The following STXBP4 variants were observed in gnomAD, a reference collection of about 807,000 sequenced individuals.
STXBP4 encodes syntaxin-binding protein 4.
In STXBP4, 55 loss-of-function variants were observed where a neutral mutation model predicts 76.1. That is an observed-to-expected ratio of 0.72 (90% CI 0.58 to 0.91). The LOEUF (loss-of-function observed/expected upper bound fraction) is 0.91, where lower values mean the gene tolerates loss of function less well. STXBP4 is among the 40% of genes least tolerant of loss of function. The pLI, the probability that STXBP4 is intolerant of heterozygous loss-of-function variation, is 0.00. For synonymous variants in STXBP4, 201 were observed against 220.2 expected (o/e 0.91, Z 0.77); for missense variants, 618 against 636.9 (o/e 0.97, Z 0.32).
chr17:55,109,123 A>ACC (rs1459375841), intron 16 of STXBP4, among the ~76,000 whole-genome samples: 1 of 152,206 alleles, frequency 6.6e-6, no homozygotes, highest in Non-Finnish European at 1.5e-5. Context: ...ATGCTTGTTG[A>ACC]TTTGAAACCT....
chr17:55,050,771 G>A (rs568471248), intron 12 of STXBP4, among the ~76,000 whole-genome samples: 5 of 152,120 alleles, frequency 3.3e-5, no homozygotes, highest in Non-Finnish European at 7.4e-5. Context: ...GGGTACAAGC[G>A]ATTCTCCTGC....
At chr17:55,015,313 G>C (rs1286210314) in intron 8 of STXBP4, among the ~76,000 whole-genome samples, 1 of 152,128 alleles carries the variant, frequency 6.6e-6, no homozygotes, top group Non-Finnish European at 1.5e-5. Context: ...GTCCCAATGA[G>C]GGTCTACACT....
intron 16 of STXBP4, among the ~76,000 whole-genome samples, chr17:55,097,637 T>C (rs2079508495): frequency 6.7e-6 from 1 of 150,164 alleles, no homozygotes; most frequent in Admixed American, 6.7e-5. Flanking sequence ...CACTCCAGCC[T>C]GGGCAACAGA....
At chr17:55,028,384 A>G (rs1428064233) in intron 8 of STXBP4, among the ~76,000 whole-genome samples, 1 of 152,176 alleles carries the variant, frequency 6.6e-6, no homozygotes, top group African/African-American at 2.4e-5. Context: ...AATAGAAAGG[A>G]GTAATATATT....
At chr17:55,091,932 C>T (rs1208096497) in intron 16 of STXBP4, among the ~76,000 whole-genome samples, 1 of 152,158 alleles carries the variant, frequency 6.6e-6, no homozygotes, top group Non-Finnish European at 1.5e-5. Flanking sequence ...TAAGGTACCT[C>T]ATTATGTATA....
rs2080323680 is a variant in STXBP4, at chr17:55,160,013, T to C, written c.*102T>C. The C allele has an allele frequency of 1.5e-6, 1 of 657,448 alleles. No homozygotes were observed. The allele number at this position is 657,448 out of a possible 1,614,324, so 40.7% of individuals were successfully genotyped here. ...TCTAAAATAGGAGTAAAGCATGCAC[T>C]ACTTGTTGAAGTGTGAAATGGAGAC... On this transcript the variant is annotated 3_prime_UTR_variant, in exon 18 of 18. Coordinates refer to ENST00000376352, the MANE Select transcript of STXBP4 (RefSeq NM_178509.6).
chr17:55,115,433 T>A (rs1180962732), intron 16 of STXBP4, among the ~76,000 whole-genome samples: 1 of 151,872 alleles, frequency 6.6e-6, no homozygotes, highest in Non-Finnish European at 1.5e-5. Context: ...TTTGTATGTT[T>A]TCATTTGTTC....
chr17:55,197,750 A>G, the STXBP4 span, among the ~76,000 whole-genome samples: 7 of 151,948 alleles, frequency 4.6e-5, no homozygotes, highest in African/African-American at 1.7e-4. Flanking sequence ...CTCAAAAAAA[A>G]AAAAGAAGAA....
At chr17:55,023,916 CAAAAAAAAAAAA>C (rs61454264) in intron 8 of STXBP4, among the ~76,000 whole-genome samples, 4 of 62,230 alleles carry the variant, frequency 6.4e-5, no homozygotes, top group Admixed American at 2.2e-4. Flanking sequence ...GGCCCTTTTC[CAAAAAAAAAAAA>C]AAAAAAAAAA....
intron 13 of STXBP4, among the ~76,000 whole-genome samples, chr17:55,076,345 A>G (rs2079181307): frequency 6.6e-6 from 1 of 152,078 alleles, no homozygotes; most frequent in African/African-American, 2.4e-5. Flanking sequence ...TTCTTTCTTC[A>G]TGAGTACATA....
At chr17:54,984,237 G>A (rs1231741740) in intron 1 of STXBP4, among the ~76,000 whole-genome samples, 2 of 151,934 alleles carry the variant, frequency 1.3e-5, no homozygotes, top group Non-Finnish European at 2.9e-5. Context: ...GAAAAGATAG[G>A]ATGATCCTCT....
chr17:55,180,360 A>G, the STXBP4 span, among the ~76,000 whole-genome samples: 1 of 152,240 alleles, frequency 6.6e-6, no homozygotes, highest in Non-Finnish European at 1.5e-5. Flanking sequence ...ACCTAGAACT[A>G]AAAGAACTAT....
At chr17:54,981,033 ATG>A (rs2077544182) in intron 1 of STXBP4, among the ~76,000 whole-genome samples, 2 of 152,072 alleles carry the variant, frequency 1.3e-5, no homozygotes, top group South Asian at 2.1e-4. Flanking sequence ...TCTTCCTCCA[ATG>A]TGACCTGGGG....
chr17:55,130,550 T>C (rs2079963337), intron 16 of STXBP4, among the ~76,000 whole-genome samples: 1 of 152,220 alleles, frequency 6.6e-6, no homozygotes, highest in South Asian at 2.1e-4. Flanking sequence ...TCTACACTTT[T>C]AGCAATTTTG....
At chr17:55,074,628 T>C (rs2079158623) in intron 13 of STXBP4, among the ~76,000 whole-genome samples, 1 of 152,174 alleles carries the variant, frequency 6.6e-6, no homozygotes, top group African/African-American at 2.4e-5. Flanking sequence ...TTTTTGTTTC[T>C]TTTTTAAGCT....
chr17:55,061,372 T>G (rs982847564), intron 12 of STXBP4, among the ~76,000 whole-genome samples: 2 of 152,226 alleles, frequency 1.3e-5, no homozygotes, highest in African/African-American at 4.8e-5. Flanking sequence ...GTGATTTCTC[T>G]TATTTTTCTT....
At chr17:55,154,131 C>G (rs1238011802) in intron 17 of STXBP4, among the ~76,000 whole-genome samples, 1 of 152,140 alleles carries the variant, frequency 6.6e-6, no homozygotes. Context: ...GAGACCCAGG[C>G]TCCTCCCATC....
intron 16 of STXBP4, among the ~76,000 whole-genome samples, chr17:55,097,851 T>C (rs1000855270): frequency 5.3e-5 from 8 of 152,210 alleles, no homozygotes; most frequent in Non-Finnish European, 1.2e-4. Context: ...TTGAGAATTC[T>C]ATAAGCTGGC....
chr17:55,081,850 A>C (rs780644307), intron 16 of STXBP4, among the ~76,000 whole-genome samples: 2 of 152,176 alleles, frequency 1.3e-5, no homozygotes, highest in Non-Finnish European at 2.9e-5. Context: ...AAGTAAGGCA[A>C]TGCTCTAAGT....
Sources: gnomAD v4.1 joint callset for allele counts (sites outside exome capture counted in the v4.1 genomes callset) on GRCh38, gnomAD v4.1.1 for gene constraint, MANE v1.5 for transcripts, NCBI Gene and HGNC (gene_info 2026-07-23, HGNC 2026-07-21) for gene names.